ARHGAP31: variants seen among roughly 807,000 people sequenced by gnomAD.
ARHGAP31 encodes the protein Rho GTPase activating protein 31, also known as rho GTPase-activating protein 31.
A neutral mutation model predicts 113.9 loss-of-function variants in ARHGAP31; 34 were observed. The ratio of observed to expected loss-of-function variants is 0.30; its 90% CI spans 0.23 to 0.40. The LOEUF is 0.40. ARHGAP31 is among the 10% of genes least tolerant of loss of function. The pLI is 1.00. For synonymous variants in ARHGAP31, 650 were observed against 684.8 expected, an observed-to-expected ratio of 0.95 and a Z score of 0.79; for missense variants, 1,548 against 1,767.1, an observed-to-expected ratio of 0.88 and a Z score of 2.22.
intron 1 of ARHGAP31, among the ~76,000 whole-genome samples, chr3:119,316,893 T>C (rs1473980872): frequency 6.6e-6 from 1 of 152,210 alleles, no homozygotes; most frequent in Admixed American, 6.5e-5. Flanking sequence ...TCAGCAAAAC[T>C]TCTTTTGTGC....
At chr3:119,407,643 C>G (rs1577033300) in intron 10 of ARHGAP31, among the ~76,000 whole-genome samples, 1 of 152,156 alleles carries the variant, frequency 6.6e-6, no homozygotes, top group South Asian at 2.1e-4. Context: ...CCAGAAGCAA[C>G]AGGGATGAAC....
chr3:119,409,385 T>C (rs2080694811), intron 10 of ARHGAP31, 111 bp from the exon 11 acceptor site: 1 of 1,299,206 alleles, frequency 7.7e-7, no homozygotes, highest in African/African-American at 1.5e-5. Flanking sequence ...GCTGAGGGAA[T>C]TCCCTCCATC....
At chr3:119,350,252 A>G (rs1339391110) in intron 1 of ARHGAP31, among the ~76,000 whole-genome samples, 1 of 152,142 alleles carries the variant, frequency 6.6e-6, no homozygotes, top group Non-Finnish European at 1.5e-5. Context: ...CTCAGTACCA[A>G]GGCTTCCAAG....
At chr3:119,372,580 G>A (rs2080307699) in intron 3 of ARHGAP31, among the ~76,000 whole-genome samples, 1 of 152,072 alleles carries the variant, frequency 6.6e-6, no homozygotes, top group African/African-American at 2.4e-5. Context: ...ACCGCACCCG[G>A]CCTATTTTTG....
chr3:119,306,002 G>A (rs1235107612), intron 1 of ARHGAP31, among the ~76,000 whole-genome samples: 1 of 152,068 alleles, frequency 6.6e-6, no homozygotes, highest in Admixed American at 6.5e-5. Context: ...AAGACAATTT[G>A]GTTTCAGATG....
intron 1 of ARHGAP31, among the ~76,000 whole-genome samples, chr3:119,337,268 A>G (rs1002975822): frequency 2.6e-5 from 4 of 152,104 alleles, no homozygotes; most frequent in Non-Finnish European, 4.4e-5. Context: ...TCATGGTCTT[A>G]CAGACGTCAG....
chr3:119,370,531 C>T lies in ARHGAP31; in HGVS notation c.348+2015C>T, dbSNP rs564286894. ...ACACTCCAGGCATATTTGCTGTTAA[C>T]AGATCGAACAGATATTAACTATATC... is the stretch of plus-strand genomic sequence containing the variant. On this transcript the variant is annotated intron_variant, in intron 3 of 11. Transcript: ENST00000264245. Among the ~76,000 whole-genome samples the T allele has an allele frequency of 7.9e-5, 12 of 152,260 alleles. No homozygotes were observed. The South Asian group carries it at 2.5e-3, about 32-fold the overall frequency.
intron 1 of ARHGAP31, among the ~76,000 whole-genome samples, chr3:119,353,393 T>C (rs2080128087): frequency 6.6e-6 from 1 of 152,246 alleles, no homozygotes; most frequent in Non-Finnish European, 1.5e-5. Flanking sequence ...GATATGTTCA[T>C]ACTGGCCAAG....
intron 10 of ARHGAP31, among the ~76,000 whole-genome samples, chr3:119,406,640 C>T (rs1046247279): frequency 6.6e-6 from 1 of 152,206 alleles, no homozygotes; most frequent in Non-Finnish European, 1.5e-5. Flanking sequence ...ACATGAAAGG[C>T]ACCTATCTCA....
intron 1 of ARHGAP31, among the ~76,000 whole-genome samples, chr3:119,337,186 T>TA (rs2079960761): frequency 6.6e-6 from 1 of 152,206 alleles, no homozygotes; most frequent in African/African-American, 2.4e-5. Flanking sequence ...TTACAGTTCT[T>TA]AGAGACGGTT....
intron 9 of ARHGAP31, among the ~76,000 whole-genome samples, chr3:119,400,709 C>A (rs1406600909): frequency 6.6e-6 from 1 of 152,142 alleles, no homozygotes; most frequent in East Asian, 1.9e-4. Context: ...ATTACACTTC[C>A]TTACAGGGTG....
At chr3:119,332,091 G>A (rs1009968718) in intron 1 of ARHGAP31, among the ~76,000 whole-genome samples, 2 of 151,898 alleles carry the variant, frequency 1.3e-5, no homozygotes, top group African/African-American at 4.8e-5. Context: ...TTATTACTTC[G>A]CCTTTAGATT....
Position 119,416,696 on chromosome 3 carries a change from G to T in ARHGAP31, c.*432G>T, listed in dbSNP as rs927631965. The T allele has an allele frequency of 7.6e-6, 2 of 261,824 alleles. No homozygotes were observed. The highest frequency in any genetic ancestry group is 1.5e-5 in the Non-Finnish European group (2 of 134,650). 16.2% of individuals were successfully genotyped at this position (261,824 alleles called of 1,614,324 possible). A position where few individuals can be genotyped will look rare whatever the true frequency, so the allele number is the denominator to read the frequency against. On this transcript the variant is annotated 3_prime_UTR_variant, in exon 12 of 12. Coordinates refer to ENST00000264245, the MANE Select transcript of ARHGAP31 (RefSeq NM_020754.4). Reference sequence around the variant, plus strand: ...AAAATGTTGCTATTGGGGTTAGAAGGCCTCCTCTTTATGCTTTTTAATGCT... The same window carrying T: ...AAAATGTTGCTATTGGGGTTAGAAGTCCTCCTCTTTATGCTTTTTAATGCT...
At chr3:119,340,883 A>G (rs1204931744) in intron 1 of ARHGAP31, among the ~76,000 whole-genome samples, 1 of 152,178 alleles carries the variant, frequency 6.6e-6, no homozygotes, top group African/African-American at 2.4e-5. Context: ...TTCCGAACAC[A>G]TATCTTGTTT....
chr3:119,376,371 C>A (rs2107628300), intron 3 of ARHGAP31, among the ~76,000 whole-genome samples: 1 of 152,214 alleles, frequency 6.6e-6, no homozygotes, highest in East Asian at 1.9e-4. Context: ...CGCCTGTAAT[C>A]CCAGCTACTC....
intron 1 of ARHGAP31, among the ~76,000 whole-genome samples, chr3:119,350,044 C>T (rs1314718551): frequency 6.6e-6 from 1 of 152,098 alleles, no homozygotes; most frequent in Admixed American, 6.6e-5. Flanking sequence ...TTTTGCTCAT[C>T]TTTATTTTTA....
intron 1 of ARHGAP31, among the ~76,000 whole-genome samples, chr3:119,302,506 A>T (rs1029744877): frequency 1.3e-5 from 2 of 152,180 alleles, no homozygotes; most frequent in Non-Finnish European, 2.9e-5. Flanking sequence ...TGAGTCCCAC[A>T]TCAGGCCTTG....
chr3:119,381,544 G>A (rs1195994763), intron 4 of ARHGAP31, among the ~76,000 whole-genome samples: 2 of 152,160 alleles, frequency 1.3e-5, no homozygotes, highest in African/African-American at 4.8e-5. Flanking sequence ...AATAATAAAT[G>A]TTGTTTATCC....
intron 3 of ARHGAP31, among the ~76,000 whole-genome samples, chr3:119,371,879 A>G (rs1288242229): frequency 6.6e-6 from 1 of 152,148 alleles, no homozygotes; most frequent in Admixed American, 6.5e-5. Context: ...CTGTTCCTGC[A>G]TTAGTTTGCT....
Sources: gnomAD v4.1 joint callset for allele counts (sites outside exome capture counted in the v4.1 genomes callset) on GRCh38, gnomAD v4.1.1 for gene constraint, MANE v1.5 for transcripts, NCBI Gene and HGNC (gene_info 2026-07-23, HGNC 2026-07-21) for gene names.